EYS: variants seen among roughly 807,000 people sequenced by gnomAD.
EYS encodes the protein protein eyes shut homolog.
Under a neutral mutation model 282.1 loss-of-function variants are expected in EYS, and 250 were observed. That is an observed-to-expected ratio of 0.89 (90% confidence interval 0.80 to 0.98). The LOEUF is 0.98. Ranked by LOEUF, EYS falls within the 50% of genes least tolerant of loss-of-function variation. The pLI, the probability that EYS is intolerant of heterozygous loss-of-function variation, is 0.00. For missense variants in EYS, 4,016 were observed against 3,709.0 expected (o/e 1.08, Z -2.15); for synonymous variants, 1,355 against 1,282.9 (o/e 1.06, Z -1.20).
chr6:65,066,481 T>C (rs1773750100), intron 12 of EYS, among the ~76,000 whole-genome samples: 1 of 152,178 alleles, frequency 6.6e-6, no homozygotes, highest in Non-Finnish European at 1.5e-5. Flanking sequence ...CTTTTTTGTA[T>C]AATGAAGCAG....
chr6:64,824,986 C>T (rs1000553525), intron 19 of EYS, among the ~76,000 whole-genome samples: 1 of 151,804 alleles, frequency 6.6e-6, no homozygotes, highest in Non-Finnish European at 1.5e-5. Flanking sequence ...CATTATAGTC[C>T]TTCAGATTCA....
intron 26 of EYS, among the ~76,000 whole-genome samples, chr6:64,578,346 CT>C (rs1765948501): frequency 6.6e-6 from 1 of 152,088 alleles, no homozygotes; most frequent in South Asian, 2.1e-4. Flanking sequence ...ACTGTCGCCC[CT>C]GATGATCCCA....
intron 22 of EYS, among the ~76,000 whole-genome samples, chr6:64,696,454 T>C: frequency 6.6e-6 from 1 of 152,180 alleles, no homozygotes; most frequent in East Asian, 1.9e-4. Context: ...AGAAAAAGCT[T>C]TCTTAGTCTA....
chr6:64,296,575 TATATATATACATATATATATATA>T (rs1238265416), intron 30 of EYS, among the ~76,000 whole-genome samples: 330 of 10,828 alleles, frequency 0.03, 12 homozygotes, highest in African/African-American at 0.063. Flanking sequence ...TATATATATA[TATATATATACATATATATATATA>T]TTTTTTTTTT....
chr6:64,266,844 A>G (rs1188955038), intron 30 of EYS, among the ~76,000 whole-genome samples: 1 of 152,180 alleles, frequency 6.6e-6, no homozygotes, highest in Non-Finnish European at 1.5e-5. Context: ...ACACAGTGCA[A>G]TAGGCTGACA....
At chr6:64,553,113 G>A (rs1181757207) in intron 26 of EYS, among the ~76,000 whole-genome samples, 1 of 151,896 alleles carries the variant, frequency 6.6e-6, no homozygotes, top group Non-Finnish European at 1.5e-5. Context: ...AACCACCTTG[G>A]GCACATGTTC....
At chr6:64,615,754 A>G (rs1329109129) in intron 24 of EYS, among the ~76,000 whole-genome samples, 1 of 152,072 alleles carries the variant, frequency 6.6e-6, no homozygotes, top group African/African-American at 2.4e-5. Flanking sequence ...TGCTATGACA[A>G]GTTTTTAAAT....
At chr6:65,056,445 A>G (rs1378057674) in intron 13 of EYS, among the ~76,000 whole-genome samples, 1 of 151,964 alleles carries the variant, frequency 6.6e-6, no homozygotes, top group African/African-American at 2.4e-5. Flanking sequence ...TACAAAAACT[A>G]CCCTGATATG....
At chr6:63,743,721 A>T (rs866457459) in intron 41 of EYS, among the ~76,000 whole-genome samples, 16 of 152,234 alleles carry the variant, frequency 1.1e-4, no homozygotes, top group African/African-American at 3.9e-4. Flanking sequence ...ATACTAGAAG[A>T]GTCATTCTTA....
intron 26 of EYS, among the ~76,000 whole-genome samples, chr6:64,558,248 C>T (rs1765291541): frequency 6.6e-6 from 1 of 152,044 alleles, no homozygotes; most frequent in African/African-American, 2.4e-5. Flanking sequence ...TTCTGCTTTA[C>T]AAAACCATTT....
At chr6:65,187,475 A>C (rs1426172352) in intron 12 of EYS, among the ~76,000 whole-genome samples, 2 of 151,778 alleles carry the variant, frequency 1.3e-5, no homozygotes, top group African/African-American at 4.8e-5. Flanking sequence ...TGGGAAAGAA[A>C]ATAATAGTAC....
chr6:64,952,771 T>C (rs1769557086), intron 14 of EYS, among the ~76,000 whole-genome samples: 1 of 152,094 alleles, frequency 6.6e-6, no homozygotes, highest in South Asian at 2.1e-4. Context: ...AGCTGTATTC[T>C]GCTTAGTGCT....
chr6:65,148,415 A>C (rs1000700583), intron 12 of EYS, among the ~76,000 whole-genome samples: 1 of 152,100 alleles, frequency 6.6e-6, no homozygotes, highest in East Asian at 1.9e-4. Context: ...TTCCAAAATG[A>C]TCTCCTTTGA....
intron 15 of EYS, among the ~76,000 whole-genome samples, chr6:64,933,111 C>T (rs1768782157): frequency 6.6e-6 from 1 of 151,890 alleles, no homozygotes; most frequent in Non-Finnish European, 1.5e-5. Context: ...TATATTAAGT[C>T]AGCTATGGTA....
intron 33 of EYS, among the ~76,000 whole-genome samples, chr6:64,021,339 T>C (rs1769182252): frequency 6.6e-6 from 1 of 151,818 alleles, no homozygotes; most frequent in African/African-American, 2.4e-5. Context: ...GTTTGCTTCC[T>C]GGGGTACATT....
At chr6:63,826,845 C>CAAAAAAAAAAAAAAAAAAG (rs1771475758) in intron 36 of EYS, among the ~76,000 whole-genome samples, 54 of 76,722 alleles carry the variant, frequency 7.0e-4, no homozygotes, top group Middle Eastern at 9.3e-3. Context: ...AGTTAAAAAG[C>CAAAAAAAAAAAAAAAAAAG]AAAAAAAAAA....
chr6:64,655,013 T>C (rs781359619), intron 22 of EYS, among the ~76,000 whole-genome samples: 1 of 152,172 alleles, frequency 6.6e-6, no homozygotes, highest in East Asian at 1.9e-4. Context: ...CCATAATTTT[T>C]AGCTTAAATT....
chr6:63,796,454 T>C (rs918935909), intron 37 of EYS, among the ~76,000 whole-genome samples: 4 of 152,188 alleles, frequency 2.6e-5, no homozygotes, highest in African/African-American at 9.6e-5. Flanking sequence ...CATAGAAACA[T>C]GGTAATCCTC....
intron 19 of EYS, among the ~76,000 whole-genome samples, chr6:64,849,250 A>G (rs1765809208): frequency 6.6e-6 from 1 of 151,644 alleles, no homozygotes; most frequent in South Asian, 2.1e-4. Context: ...TTATATTTTT[A>G]TATTTATAAT....
Sources: gnomAD v4.1 joint callset for allele counts (sites outside exome capture counted in the v4.1 genomes callset) on GRCh38, gnomAD v4.1.1 for gene constraint, MANE v1.5 for transcripts, NCBI Gene and HGNC (gene_info 2026-07-23, HGNC 2026-07-21) for gene names.